The following ACSL3 variants were observed in gnomAD, a reference collection of about 807,000 sequenced individuals.
ACSL3 encodes acyl-CoA synthetase long chain family member 3, also known as fatty acid CoA ligase Acsl3.
A neutral mutation model predicts 84.7 loss-of-function variants in ACSL3; 34 were observed. The ratio of observed to expected loss-of-function variants is 0.40; its 90% confidence interval spans 0.31 to 0.53. The LOEUF (loss-of-function observed/expected upper bound fraction) is 0.53, where lower values mean the gene tolerates loss of function less well. Among genes scored for constraint, ACSL3 ranks in the 20% least tolerant of loss-of-function variants. The pLI, the probability that ACSL3 is intolerant of heterozygous loss-of-function variation, is 0.48. For synonymous variants in ACSL3, 315 were observed against 299.4 expected (o/e 1.05, Z -0.54); for missense variants, 680 against 873.1 (o/e 0.78, Z 2.79).
At chr2:222,932,520 G>T (rs1444976133) in intron 14 of ACSL3, among the ~76,000 whole-genome samples, 2 of 152,022 alleles carry the variant, frequency 1.3e-5, no homozygotes, top group African/African-American at 4.8e-5. Context: ...GTAGAGTCGG[G>T]GTTTCACCAT....
rs892238510 is a variant in ACSL3, at chr2:222,866,517, T to C, written c.-207+5259T>C. 4.3e-4 allele frequency among the ~76,000 whole-genome samples: 65 copies of C among 152,212 alleles called. 1 individual carries two copies. The highest frequency in any genetic ancestry group is 1.3e-4 in the Non-Finnish European group (9 of 68,042). On this transcript the variant is annotated intron_variant, in intron 1 of 16. Transcript: ENST00000357430. The stretch of plus-strand genomic sequence containing the variant: ...GAAGCACAGAGCAATTTAAGTGACT[T>C]GCACGATTGTGTGCTAAATGTGTGC...
intron 4 of ACSL3, among the ~76,000 whole-genome samples, chr2:222,910,041 T>G (rs571696249): frequency 2.0e-5 from 3 of 152,188 alleles, no homozygotes; most frequent in African/African-American, 7.2e-5. Context: ...CTTGTGAGGA[T>G]TGAGTGTGTG....
chr2:222,912,303 A>G (rs78499751), intron 4 of ACSL3, among the ~76,000 whole-genome samples: 11,235 of 152,218 alleles, frequency 0.074, 510 homozygotes, highest in Middle Eastern at 0.13. Flanking sequence ...TAAACATGCT[A>G]GGCCTTTTTC....
At chr2:222,870,538 G>A (rs533211231) in intron 1 of ACSL3, among the ~76,000 whole-genome samples, 6 of 152,354 alleles carry the variant, frequency 3.9e-5, no homozygotes, top group Non-Finnish European at 5.9e-5. Flanking sequence ...CAGCGGATGG[G>A]TAGAGAAGTT....
At chr2:222,935,947 C>T (rs1324624045) in intron 16 of ACSL3, among the ~76,000 whole-genome samples, 3 of 152,166 alleles carry the variant, frequency 2.0e-5, no homozygotes, top group Non-Finnish European at 4.4e-5. Context: ...CCCTTCCCTC[C>T]ACCTTTTTAC....
intron 1 of ACSL3, among the ~76,000 whole-genome samples, chr2:222,872,337 G>A (rs764010347): frequency 1.3e-5 from 2 of 152,080 alleles, no homozygotes; most frequent in Non-Finnish European, 2.9e-5. Context: ...TGTTGGCCAG[G>A]CTGGTCTTGA....
At chr2:222,868,635 TTA>T (rs1231849357) in intron 1 of ACSL3, among the ~76,000 whole-genome samples, 4 of 152,176 alleles carry the variant, frequency 2.6e-5, no homozygotes, top group African/African-American at 9.6e-5. Context: ...AACTAGATTG[TTA>T]TATTTTAATA....
At chr2:222,869,015 A>G (rs1253477959) in intron 1 of ACSL3, among the ~76,000 whole-genome samples, 1 of 152,032 alleles carries the variant, frequency 6.6e-6, no homozygotes, top group Non-Finnish European at 1.5e-5. Context: ...AATTTTTTTG[A>G]AATACGTATA....
chr2:222,886,297 A>C (rs1163587866), intron 1 of ACSL3, among the ~76,000 whole-genome samples: 1 of 151,338 alleles, frequency 6.6e-6, no homozygotes, highest in Non-Finnish European at 1.5e-5. Context: ...TCATTCTTCA[A>C]CTCCCACTTA....
intron 3 of ACSL3, among the ~76,000 whole-genome samples, chr2:222,906,438 C>T (rs1458290029): frequency 6.6e-6 from 1 of 152,156 alleles, no homozygotes; most frequent in African/African-American, 2.4e-5. Context: ...TAAATTTCCC[C>T]ACTTGTGATC....
chr2:222,886,035 G>A (rs1309753692), intron 1 of ACSL3, among the ~76,000 whole-genome samples: 3 of 151,918 alleles, frequency 2.0e-5, no homozygotes, highest in Non-Finnish European at 2.9e-5. Flanking sequence ...GAGCCACCAT[G>A]CCTGACTTTA....
At chr2:222,911,057 T>TC (rs67882773) in intron 4 of ACSL3, among the ~76,000 whole-genome samples, 39 of 104,532 alleles carry the variant, frequency 3.7e-4, no homozygotes, top group African/African-American at 7.1e-4. Flanking sequence ...TTTTTTTTTT[T>TC]TTTTTTTTTG....
At chr2:222,918,186 G>C in intron 6 of ACSL3, 31 bp downstream of exon 6, 2 of 1,452,524 alleles carry the variant, frequency 1.4e-6, no homozygotes, top group Non-Finnish European at 1.9e-6. Flanking sequence ...CTAACTGTCT[G>C]ATACTTTAGA....
At chr2:222,901,449 C>A (rs1696146882) in intron 3 of ACSL3, among the ~76,000 whole-genome samples, 1 of 152,194 alleles carries the variant, frequency 6.6e-6, no homozygotes, top group Admixed American at 6.5e-5. Flanking sequence ...ATCTTAATTA[C>A]TTTTCCTTTA....
Position 222,943,157 on chromosome 2 carries a change from C to T in ACSL3, c.*1503C>T. On this transcript the variant is annotated 3_prime_UTR_variant, in exon 17 of 17. Coordinates refer to ENST00000357430, the MANE Select transcript of ACSL3 (RefSeq NM_004457.5). ...TGTAAAGTAAGGGGAGTGTTAGGAGCAGCCAGGACTGTGTAGTGTGTGTTT... is the reference window on the plus strand; with the variant it reads ...TGTAAAGTAAGGGGAGTGTTAGGAGTAGCCAGGACTGTGTAGTGTGTGTTT... 1 of 224,808 alleles carries T rather than the reference C, an allele frequency of 4.4e-6. No individual in the cohort carries two copies. Among genetic ancestry groups the T allele is most frequent in the Non-Finnish European group, 8.8e-6 (1 of 113,142 alleles). The allele number at this position is 224,808 out of a possible 1,614,324, so 13.9% of individuals were successfully genotyped here.
intron 5 of ACSL3, 176 bp downstream of exon 5, chr2:222,916,672 C>G (rs1696592849): frequency 3.2e-6 from 2 of 626,054 alleles, no homozygotes; most frequent in Non-Finnish European, 5.1e-6. Context: ...AATTATATGA[C>G]AAATTGTACC....
At chr2:222,891,032 C>G (rs190304408) in intron 2 of ACSL3, among the ~76,000 whole-genome samples, 1 of 152,178 alleles carries the variant, frequency 6.6e-6, no homozygotes, top group African/African-American at 2.4e-5. Flanking sequence ...CTCCTTAGTA[C>G]AGGTTCATGT....
chr2:222,867,500 T>C (rs1170897801), intron 1 of ACSL3, among the ~76,000 whole-genome samples: 1 of 152,236 alleles, frequency 6.6e-6, no homozygotes, highest in Non-Finnish European at 1.5e-5. Flanking sequence ...AAACTTTATA[T>C]AGATGGTACT....
chr2:222,916,768 C>A (rs1696594851), intron 5 of ACSL3: 2 of 261,376 alleles, frequency 7.7e-6, no homozygotes, highest in Admixed American at 1.0e-4. Context: ...GCCGTTGTTC[C>A]AATACCATTT....
Sources: gnomAD v4.1 joint callset for allele counts (sites outside exome capture counted in the v4.1 genomes callset) on GRCh38, gnomAD v4.1.1 for gene constraint, MANE v1.5 for transcripts, NCBI Gene and HGNC (gene_info 2026-07-23, HGNC 2026-07-21) for gene names.